LMOD1: variants seen among roughly 807,000 people sequenced by gnomAD.
LMOD1 encodes leiomodin-1.
In LMOD1, 8 loss-of-function variants were observed where a neutral mutation model predicts 36.5. That is an observed-to-expected ratio of 0.22 (90% CI 0.13 to 0.40). The LOEUF is 0.40. LMOD1 is among the 10% of genes least tolerant of loss of function. The pLI, the probability that LMOD1 is intolerant of heterozygous loss-of-function variation, is 1.00. For synonymous variants in LMOD1, 284 were observed against 288.7 expected (o/e 0.98, Z 0.17); for missense variants, 630 against 751.1 (o/e 0.84, Z 1.88).
chr1:201,932,531 C>T (rs553645959), intron 1 of LMOD1, among the ~76,000 whole-genome samples: 8 of 152,068 alleles, frequency 5.3e-5, no homozygotes, highest in African/African-American at 1.7e-4. Context: ...GCTGGTGGAT[C>T]GCTTGAGCCT....
chr1:201,921,220 T>C (rs1362241685), intron 1 of LMOD1, among the ~76,000 whole-genome samples: 4 of 152,232 alleles, frequency 2.6e-5, no homozygotes, highest in Admixed American at 2.0e-4. Flanking sequence ...CTGGGCGCAG[T>C]GGCTCACACC....
At chr1:201,903,715 G>C (rs1681366876) in intron 1 of LMOD1, among the ~76,000 whole-genome samples, 1 of 152,146 alleles carries the variant, frequency 6.6e-6, no homozygotes. Context: ...GGAGGGACCA[G>C]CCTCTCTAGG....
chr1:201,933,226 C>A (rs1334999526), intron 1 of LMOD1, among the ~76,000 whole-genome samples: 3 of 151,956 alleles, frequency 2.0e-5, no homozygotes, highest in African/African-American at 7.3e-5. Context: ...CCAGCCTGGC[C>A]AACGTGGTGA....
intron 1 of LMOD1, among the ~76,000 whole-genome samples, chr1:201,941,610 G>A (rs1682117818): frequency 6.6e-6 from 1 of 152,236 alleles, no homozygotes; most frequent in Non-Finnish European, 1.5e-5. Context: ...CATTCTGAGG[G>A]TTAGGCCGCC....
Position 201,896,796 on chromosome 1 carries a change from G to T in LMOD1, c.*1576C>A. ...AAGTGGGTGGAGGGAATGGAGAAGA[G>T]TGTACCCTGGGATCTGAGGGCTTTA... On this transcript the variant is annotated 3_prime_UTR_variant, in exon 3 of 3. Coordinates refer to ENST00000367288, the MANE Select transcript of LMOD1 (RefSeq NM_012134.3). 1 of 448,044 alleles carries T rather than the reference G, an allele frequency of 2.2e-6. No individual in the cohort carries two copies. 27.8% of individuals were successfully genotyped at this position (448,044 alleles called of 1,614,324 possible).
intron 1 of LMOD1, among the ~76,000 whole-genome samples, chr1:201,915,458 G>A (rs1374741235): frequency 6.6e-6 from 1 of 152,000 alleles, no homozygotes; most frequent in South Asian, 2.1e-4. Context: ...CTCAAAAACT[G>A]GACTCCTTAT....
chr1:201,915,513 G>A (rs545079790), intron 1 of LMOD1, among the ~76,000 whole-genome samples: 18 of 151,896 alleles, frequency 1.2e-4, no homozygotes, highest in African/African-American at 1.9e-4. Flanking sequence ...CCCTATCTGG[G>A]CAAGTGGCTC....
rs776010575 is a variant in LMOD1 at position 201,944,765 on chromosome 1, C to A, written c.261+1315G>T. On this transcript the variant is annotated intron_variant, in intron 1 of 2. Transcript: ENST00000367288. ...GGCGGTAGGGACAGAGACAGAGTTCCAGCTCCTCTTTGCTTCACCCCCTTC... is the reference window on the plus strand; with the variant it reads ...GGCGGTAGGGACAGAGACAGAGTTCAAGCTCCTCTTTGCTTCACCCCCTTC... Among the ~76,000 whole-genome samples, 83 of 151,990 alleles carry A rather than the reference C, an allele frequency of 5.5e-4. 1 individual carries two copies. Among genetic ancestry groups the A allele is most frequent in the Middle Eastern group, 6.8e-3 (2 of 294 alleles).
In LMOD1 at chr1:201,921,774, C is replaced by G. The variant is rs890199798; in HGVS notation, c.262-21023G>C. 2.6e-5 allele frequency among the ~76,000 whole-genome samples: 4 copies of G among 151,774 alleles called. No individual in the cohort carries two copies. The East Asian group carries it at 7.8e-4, about 29-fold the overall frequency. ...AGGAGATCGAGACCATCCTGGCTAA[C>G]ACAGTGAAACCCCATCTCTACTAAA... On this transcript the variant is annotated intron_variant, in intron 1 of 2. Coordinates refer to ENST00000367288, the MANE Select transcript of LMOD1 (RefSeq NM_012134.3).
chr1:201,920,044 T>G (rs1029827015), intron 1 of LMOD1, among the ~76,000 whole-genome samples: 2 of 120,906 alleles, frequency 1.7e-5, no homozygotes, highest in East Asian at 5.6e-4. Flanking sequence ...TGGCTCTCTC[T>G]CTTTTTTTTT....
At position 201,942,992 on chromosome 1, in the gene LMOD1, G is replaced by T. The variant is rs189774233; in HGVS notation, c.261+3088C>A. On this transcript the variant is annotated intron_variant, in intron 1 of 2. Transcript: ENST00000367288. Reference sequence around the variant, plus strand: ...TTAACAGCATCCACTATCTAGTCAGGATTTACTTTCCCTAATCCACACTTA... The same window carrying T: ...TTAACAGCATCCACTATCTAGTCAGTATTTACTTTCCCTAATCCACACTTA... 1.4e-3 allele frequency among the ~76,000 whole-genome samples: 213 copies of T among 152,200 alleles called. 2 individuals carry two copies. Among genetic ancestry groups the T allele is most frequent in the African/African-American group, 4.8e-3 (199 of 41,508 alleles).
intron 1 of LMOD1, among the ~76,000 whole-genome samples, chr1:201,933,316 A>C (rs1279671219): frequency 6.6e-6 from 1 of 151,712 alleles, no homozygotes; most frequent in Admixed American, 6.6e-5. Flanking sequence ...TTGGAGGCTG[A>C]GGCAGGAGAA....
chr1:201,904,321 C>T (rs1002903873), intron 1 of LMOD1, among the ~76,000 whole-genome samples: 4 of 152,194 alleles, frequency 2.6e-5, no homozygotes, highest in Non-Finnish European at 5.9e-5. Flanking sequence ...AGCGATTCTC[C>T]TGCCTCAGCC....
chr1:201,925,713 T>A (rs1020460976), intron 1 of LMOD1, among the ~76,000 whole-genome samples: 4 of 151,982 alleles, frequency 2.6e-5, no homozygotes, highest in East Asian at 3.9e-4. Flanking sequence ...TTTAATTTTT[T>A]AAATTTTTTT....
chr1:201,918,173 C>A (rs1681640909), intron 1 of LMOD1, among the ~76,000 whole-genome samples: 1 of 152,198 alleles, frequency 6.6e-6, no homozygotes. Context: ...GCTCTCCCAC[C>A]CCACAGACAC....
At chr1:201,918,240 T>C (rs976713237) in intron 1 of LMOD1, among the ~76,000 whole-genome samples, 5 of 152,162 alleles carry the variant, frequency 3.3e-5, no homozygotes, top group Admixed American at 6.5e-5. Flanking sequence ...TCATCCCACC[T>C]TCCTAACATA....
At chr1:201,913,530 T>G (rs913882774) in intron 1 of LMOD1, among the ~76,000 whole-genome samples, 2 of 152,082 alleles carry the variant, frequency 1.3e-5, no homozygotes, top group Non-Finnish European at 2.9e-5. Context: ...TCGTCCGAAG[T>G]CAGGAGGCAG....
At chr1:201,942,357 G>T (rs1682132063) in intron 1 of LMOD1, among the ~76,000 whole-genome samples, 1 of 152,238 alleles carries the variant, frequency 6.6e-6, no homozygotes, top group Admixed American at 6.5e-5. Context: ...CTCAGACAAG[G>T]TGCCTGACCT....
At chr1:201,933,632 C>A (rs114293952) in intron 1 of LMOD1, among the ~76,000 whole-genome samples, 6,035 of 110,716 alleles carry the variant, frequency 0.055, 257 homozygotes, top group East Asian at 0.15. Context: ...TATGGCAAGA[C>A]TAACCTAGGG....
Sources: gnomAD v4.1 joint callset for allele counts (sites outside exome capture counted in the v4.1 genomes callset) on GRCh38, gnomAD v4.1.1 for gene constraint, MANE v1.5 for transcripts, NCBI Gene and HGNC (gene_info 2026-07-23, HGNC 2026-07-21) for gene names.